CAMK2D: variants seen among roughly 807,000 people sequenced by gnomAD.
The protein encoded by CAMK2D is calcium/calmodulin dependent protein kinase II delta.
Under a neutral mutation model 84.0 loss-of-function variants are expected in CAMK2D, and 37 were observed. The ratio of observed to expected loss-of-function variants is 0.44; its 90% CI spans 0.34 to 0.58. The LOEUF is 0.58. Ranked by LOEUF, CAMK2D falls within the 20% of genes least tolerant of loss-of-function variation. The pLI, the probability that CAMK2D is intolerant of heterozygous loss-of-function variation, is 0.02. For synonymous variants in CAMK2D, 202 were observed against 212.5 expected, an observed-to-expected ratio of 0.95 and a Z score of 0.43; for missense variants, 448 against 652.5, an observed-to-expected ratio of 0.69 and a Z score of 3.41.
chr4:113,754,950 T>A, intron 2 of CAMK2D: 1 of 984,856 alleles, frequency 1.0e-6, no homozygotes, highest in Non-Finnish European at 1.2e-6. Flanking sequence ...AACCTTCAAA[T>A]TTTAATTTGT....
chr4:113,758,131 T>C (rs1020188205), intron 2 of CAMK2D, among the ~76,000 whole-genome samples: 3 of 152,154 alleles, frequency 2.0e-5, no homozygotes, highest in Non-Finnish European at 4.4e-5. Context: ...TGTTAAAACC[T>C]TTCTGTGGAG....
intron 4 of CAMK2D, among the ~76,000 whole-genome samples, chr4:113,574,680 C>T (rs1295916309): frequency 1.3e-5 from 2 of 152,218 alleles, no homozygotes; most frequent in Non-Finnish European, 2.9e-5. Context: ...AGATAAGCCT[C>T]AGCTCTTAGT....
At chr4:113,603,904 G>A (rs1231368470) in intron 4 of CAMK2D, among the ~76,000 whole-genome samples, 2 of 149,048 alleles carry the variant, frequency 1.3e-5, no homozygotes, top group African/African-American at 4.9e-5. Flanking sequence ...AGACCAGCCT[G>A]GGCAACATAG....
chr4:113,505,258 G>A (rs368463283), intron 13 of CAMK2D, among the ~76,000 whole-genome samples: 4 of 152,286 alleles, frequency 2.6e-5, no homozygotes, highest in Non-Finnish European at 4.4e-5. Context: ...GAAAACAGAC[G>A]TGTCTGCTGT....
intron 2 of CAMK2D, among the ~76,000 whole-genome samples, chr4:113,668,559 AATT>A (rs1442804043): frequency 6.6e-6 from 1 of 152,232 alleles, no homozygotes; most frequent in Non-Finnish European, 1.5e-5. Context: ...CTACATTAAA[AATT>A]ATATTAATTC....
intron 8 of CAMK2D, among the ~76,000 whole-genome samples, chr4:113,527,912 C>T (rs1157832473): frequency 6.6e-6 from 1 of 151,956 alleles, no homozygotes; most frequent in East Asian, 1.9e-4. Context: ...ACATTTGAAA[C>T]ATGAAAAAAT....
At chr4:113,497,884 T>C (rs2097962260) in intron 16 of CAMK2D, among the ~76,000 whole-genome samples, 1 of 152,202 alleles carries the variant, frequency 6.6e-6, no homozygotes, top group African/African-American at 2.4e-5. Flanking sequence ...GAAGTATGTA[T>C]GGGGGTATGC....
At chr4:113,565,047 C>T (rs529286860) in intron 4 of CAMK2D, among the ~76,000 whole-genome samples, 1 of 152,280 alleles carries the variant, frequency 6.6e-6, no homozygotes, top group Admixed American at 6.5e-5. Flanking sequence ...GCAGTTAAGT[C>T]AGTTCAAAGA....
chr4:113,627,756 T>C (rs1355603971), intron 3 of CAMK2D, among the ~76,000 whole-genome samples: 1 of 152,154 alleles, frequency 6.6e-6, no homozygotes, highest in Non-Finnish European at 1.5e-5. Context: ...GCTTAGTGTT[T>C]ATAAAAGCTT....
intron 4 of CAMK2D, among the ~76,000 whole-genome samples, chr4:113,578,766 A>G (rs990410167): frequency 6.6e-6 from 1 of 152,186 alleles, no homozygotes; most frequent in East Asian, 1.9e-4. Context: ...TTTAAAAGTC[A>G]TCGTAAGATT....
intron 1 of CAMK2D, among the ~76,000 whole-genome samples, chr4:113,760,481 C>G (rs1562274287): frequency 6.6e-6 from 1 of 152,070 alleles, no homozygotes; most frequent in East Asian, 1.9e-4. Context: ...CTACTGGATG[C>G]GAAATAGACT....
At chr4:113,664,893 C>A (rs778085146) in intron 2 of CAMK2D, among the ~76,000 whole-genome samples, 1 of 151,998 alleles carries the variant, frequency 6.6e-6, no homozygotes, top group Non-Finnish European at 1.5e-5. Context: ...AACCTCCACC[C>A]CCCGGGTTCA....
intron 16 of CAMK2D, among the ~76,000 whole-genome samples, chr4:113,475,187 C>T (rs2097592320): frequency 6.6e-6 from 1 of 151,982 alleles, no homozygotes; most frequent in South Asian, 2.1e-4. Flanking sequence ...TAGTTTATTC[C>T]TGGGTAAATT....
At chr4:113,683,588 T>G (rs941210648) in intron 2 of CAMK2D, among the ~76,000 whole-genome samples, 28 of 152,172 alleles carry the variant, frequency 1.8e-4, no homozygotes, top group Non-Finnish European at 4.0e-4. Flanking sequence ...AAGGCTGATA[T>G]GGGCTTTGAA....
intron 20 of CAMK2D, 132 bp downstream of exon 20, chr4:113,455,594 A>G: frequency 1.9e-6 from 1 of 522,906 alleles, no homozygotes; most frequent in Non-Finnish European, 3.5e-6. Context: ...ATTGCTATGA[A>G]TTTTCAAAGA....
At chr4:113,526,998 GCCATTTT>G (rs2098423393) in intron 8 of CAMK2D, among the ~76,000 whole-genome samples, 2 of 151,046 alleles carry the variant, frequency 1.3e-5, no homozygotes, top group African/African-American at 2.4e-5. Context: ...AGTCTGTGGT[GCCATTTT>G]CCTAACAACT....
chr4:113,604,591 C>T (rs2098969556), intron 4 of CAMK2D, among the ~76,000 whole-genome samples: 1 of 152,150 alleles, frequency 6.6e-6, no homozygotes, highest in Non-Finnish European at 1.5e-5. Flanking sequence ...AGTTCAGTTG[C>T]CTGTTGCAGC....
At chr4:113,469,105 T>A (rs2097515017) in intron 16 of CAMK2D, among the ~76,000 whole-genome samples, 1 of 152,192 alleles carries the variant, frequency 6.6e-6, no homozygotes, top group South Asian at 2.1e-4. Flanking sequence ...TTGGCTCTTG[T>A]TCTAAGAGGC....
At chr4:113,553,105 A>G (rs1464467778) in intron 4 of CAMK2D, among the ~76,000 whole-genome samples, 1 of 152,234 alleles carries the variant, frequency 6.6e-6, no homozygotes, top group Admixed American at 6.5e-5. Flanking sequence ...AGTTCTTACA[A>G]TAAACCACAC....
Sources: gnomAD v4.1 joint callset for allele counts (sites outside exome capture counted in the v4.1 genomes callset) on GRCh38, gnomAD v4.1.1 for gene constraint, MANE v1.5 for transcripts, NCBI Gene and HGNC (gene_info 2026-07-23, HGNC 2026-07-21) for gene names.